The following RB1CC1 variants were observed in gnomAD, a reference collection of about 807,000 sequenced individuals.
RB1CC1 encodes the protein RB1-inducible coiled-coil protein 1.
In RB1CC1, 46 loss-of-function variants were observed where a neutral mutation model predicts 177.5. That is an observed-to-expected ratio of 0.26 (90% CI 0.20 to 0.33). The LOEUF (loss-of-function observed/expected upper bound fraction) is 0.33, where lower values mean the gene tolerates loss of function less well. RB1CC1 is among the 10% of genes least tolerant of loss of function. The pLI, the probability that RB1CC1 is intolerant of heterozygous loss-of-function variation, is 1.00. For missense variants in RB1CC1, 1,703 were observed against 1,816.3 expected (o/e 0.94, Z 1.13); for synonymous variants, 666 against 613.6 (o/e 1.09, Z -1.26).
At chr8:52,631,105 A>G (rs925840877) in intron 20 of RB1CC1, among the ~76,000 whole-genome samples, 82 of 152,250 alleles carry the variant, frequency 5.4e-4, no homozygotes, top group African/African-American at 1.8e-3. Context: ...AACTTTTTCC[A>G]AATAGGGTAA....
chr8:52,639,457 A>C (rs1464031200), intron 18 of RB1CC1, among the ~76,000 whole-genome samples: 3 of 152,164 alleles, frequency 2.0e-5, no homozygotes, highest in Non-Finnish European at 2.9e-5. Flanking sequence ...ACTGTCTGAA[A>C]ATGAGGACAG....
chr8:52,660,786 T>C (rs1851544594), intron 11 of RB1CC1, 129 bp from the exon 12 acceptor site: 5 of 1,085,958 alleles, frequency 4.6e-6, no homozygotes, highest in Non-Finnish European at 2.6e-6. Flanking sequence ...ATGGATTCAA[T>C]TCTATACACT....
chr8:52,661,324 T>A (rs1187085598), intron 9 of RB1CC1, 43 bp from the exon 10 acceptor site: 1 of 1,597,704 alleles, frequency 6.3e-7, no homozygotes, highest in African/African-American at 1.4e-5. Context: ...ACAAAACTGG[T>A]ACTAACTTAG....
intron 8 of RB1CC1, among the ~76,000 whole-genome samples, chr8:52,667,600 AT>A (rs1852177047): frequency 6.6e-6 from 1 of 152,188 alleles, no homozygotes; most frequent in African/African-American, 2.4e-5. Flanking sequence ...CAGTTCTAGG[AT>A]TATGGCATTA....
At chr8:52,665,309 T>TG (rs1851973629) in intron 8 of RB1CC1, among the ~76,000 whole-genome samples, 1 of 152,186 alleles carries the variant, frequency 6.6e-6, no homozygotes, top group African/African-American at 2.4e-5. Flanking sequence ...AGTAAATACA[T>TG]GGCAAACGCT....
chr8:52,674,087 A>G lies in RB1CC1; in HGVS notation c.760T>C (p.Leu254=). 6.2e-7 allele frequency: 1 copy of G among 1,614,140 alleles called. No individual in the cohort carries two copies. Residue 254 remains leucine, a synonymous_variant, in exon 7 of 24, where the codon TTG becomes CTG. Coordinates refer to ENST00000025008, the MANE Select transcript of RB1CC1 (RefSeq NM_014781.5). ...ACTGACTTGGGAAATGAGGTTAACAAAGATTCGTTAGTTGTTCTAGGCATA... is the reference window on the plus strand; with the variant it reads ...ACTGACTTGGGAAATGAGGTTAACAGAGATTCGTTAGTTGTTCTAGGCATA... ...PDMPRTTNES[L]LTSFPKSVEH...
intron 1 of RB1CC1, among the ~76,000 whole-genome samples, chr8:52,708,150 T>C (rs1378993469): frequency 1.1e-4 from 17 of 152,210 alleles, no homozygotes; most frequent in Admixed American, 1.1e-3. Context: ...GACAAACCTA[T>C]ACCCTCACTT....
chr8:52,626,342 G>GT (rs1848387515), intron 22 of RB1CC1, among the ~76,000 whole-genome samples: 1 of 152,068 alleles, frequency 6.6e-6, no homozygotes, highest in South Asian at 2.1e-4. Context: ...TTTTAAAAAA[G>GT]TTTTTTAATG....
At chr8:52,697,295 T>TAAAAAAAAAAAAAAA (rs35428453) in intron 1 of RB1CC1, among the ~76,000 whole-genome samples, 2 of 87,930 alleles carry the variant, frequency 2.3e-5, no homozygotes, top group African/African-American at 4.3e-5. Context: ...AAATGGTTAC[T>TAAAAAAAAAAAAAAA]AAAAAAAAAA....
rs770806517 is a variant in RB1CC1 at position 52,657,116 on chromosome 8, C to T, written c.2713G>A (p.Val905Ile). ...LKGELVCLEE[V>I]LQNKDNEFAL... ...AATTCATTATCTTTATTTTGTAAAA[C>T]CTCCTCAAGGCATACTAACTCTCCC... The change falls in exon 15 of 24, where the codon GTT (valine) becomes ATT (isoleucine). Residue 905 changes from valine (V) to isoleucine (I), a missense_variant. Physicochemically the swap from Val to Ile is conservative, Grantham distance 29. Coordinates refer to ENST00000025008, the MANE Select transcript of RB1CC1 (RefSeq NM_014781.5). 3.7e-6 allele frequency: 6 copies of T among 1,610,558 alleles called. No homozygotes were observed. The African/African-American group carries it at 8.0e-5, about 22-fold the overall frequency.
At chr8:52,672,459 T>C (rs896260093) in intron 7 of RB1CC1, among the ~76,000 whole-genome samples, 1 of 152,154 alleles carries the variant, frequency 6.6e-6, no homozygotes, top group Non-Finnish European at 1.5e-5. Context: ...GAAAAAATGA[T>C]AGGCCAGGTG....
At chr8:52,663,619 T>G (rs1441903736) in intron 8 of RB1CC1, among the ~76,000 whole-genome samples, 4 of 152,152 alleles carry the variant, frequency 2.6e-5, no homozygotes, top group African/African-American at 9.7e-5. Context: ...TAAAATTGGA[T>G]AATCTGAATT....
At chr8:52,699,562 A>G (rs1362999832) in intron 1 of RB1CC1, among the ~76,000 whole-genome samples, 1 of 150,840 alleles carries the variant, frequency 6.6e-6, no homozygotes, top group Non-Finnish European at 1.5e-5. Context: ...TAATCCCAGC[A>G]CTTTGGAAGG....
intron 8 of RB1CC1, among the ~76,000 whole-genome samples, chr8:52,666,773 T>C (rs1852104454): frequency 6.6e-6 from 1 of 151,320 alleles, no homozygotes; most frequent in South Asian, 2.1e-4. Flanking sequence ...AGTTAGCCAC[T>C]AAAAAAAGAG....
Position 52,645,715 on chromosome 8 carries a change from A to G in RB1CC1, c.3974T>C (p.Ile1325Thr), listed in dbSNP as rs1177422043. The change falls in exon 16 of 24, where the codon ATT (isoleucine) becomes ACT (threonine). Residue 1325 changes from isoleucine to threonine, a missense_variant. This residue lies in a region of RB1CC1 where 1,169 missense variants were observed against 1,184.7 expected (regional missense o/e 0.99). Transcript: ENST00000025008. The stretch of plus-strand genomic sequence containing the variant: ...AGAGATACAGACCTGTTGTTCCGCA[A>G]TCAAAGATGTTCGAACATTTTGCAT... Reference protein sequence around the residue: ...EEMQNVRTSLIAEQQTNFNTV... With the variant: ...EEMQNVRTSLTAEQQTNFNTV... 3 of 1,612,830 alleles carry G rather than the reference A, an allele frequency of 1.9e-6. No homozygotes were observed. Among genetic ancestry groups the G allele is most frequent in the Non-Finnish European group, 2.5e-6 (3 of 1,179,516 alleles).
chr8:52,662,774 T>G (rs896725554), intron 8 of RB1CC1, among the ~76,000 whole-genome samples: 1 of 152,084 alleles, frequency 6.6e-6, no homozygotes, highest in African/African-American at 2.4e-5. Context: ...ACAATTTTCA[T>G]AGTAACTGTA....
intron 1 of RB1CC1, among the ~76,000 whole-genome samples, chr8:52,706,113 TATAA>T (rs1386842038): frequency 6.7e-6 from 1 of 150,178 alleles, no homozygotes; most frequent in Non-Finnish European, 1.5e-5. Flanking sequence ...AAATCACATT[TATAA>T]TTAGAGGGGA....
At chr8:52,713,755 GAGGGATCCCAAGGCTCCGGCCGAGGA>G (rs1250788346) in intron 1 of RB1CC1, among the ~76,000 whole-genome samples, 7 of 152,262 alleles carry the variant, frequency 4.6e-5, no homozygotes, top group Non-Finnish European at 1.0e-4. Flanking sequence ...AGCGCAGAGG[GAGGGATCCCAAGGCTCCGGCCGAGGA>G]AGCCGCAGGC....
chr8:52,683,679 A>G lies in RB1CC1; in HGVS notation c.239T>C (p.Leu80Ser), dbSNP rs986638254. 18 of 1,603,912 alleles carry G rather than the reference A, an allele frequency of 1.1e-5. No individual in the cohort carries two copies. The highest frequency in any genetic ancestry group is 1.5e-5 in the Non-Finnish European group (18 of 1,176,588). The change falls in exon 5 of 24, where the codon TTA (leucine) becomes TCA (serine). Residue 80 changes from leucine (L) to serine (S), a missense_variant. Physicochemically the swap from Leu to Ser is moderately radical, Grantham distance 145 (BLOSUM62 -2). Coordinates refer to ENST00000025008, the MANE Select transcript of RB1CC1 (RefSeq NM_014781.5). ...AGGAATAGCAGGTGGACGATCACAT[A>G]AGATCATTTCTTTGTTAAAAAGAAA... is the stretch of plus-strand genomic sequence containing the variant. ...PIFLFNKEMI[L>S]CDRPPAIPKT...
Sources: gnomAD v4.1 joint callset for allele counts (sites outside exome capture counted in the v4.1 genomes callset) on GRCh38, gnomAD v4.1.1 for gene constraint, gnomAD v4.1.1 regional missense constraint, MANE v1.5 for transcripts, NCBI Gene and HGNC (gene_info 2026-07-23, HGNC 2026-07-21) for gene names.